Variants in OR6C1 observed in about 807,000 individuals in gnomAD.
OR6C1 encodes the protein olfactory receptor 6C1.
For synonymous variants in OR6C1, 157 were observed against 133.3 expected (o/e 1.18, Z -1.22); for missense variants, 386 against 366.1 (o/e 1.05, Z -0.44).
In OR6C1 at chr12:55,321,577, C is replaced by G. The variant is rs766038294; in HGVS notation, c.*39C>G. 1.4e-6 allele frequency: 2 copies of G among 1,398,702 alleles called. No homozygotes were observed. The highest frequency in any genetic ancestry group is 2.8e-5 in the South Asian group (2 of 72,556). 86.6% of individuals were successfully genotyped at this position (1,398,702 alleles called of 1,614,324 possible). ...GATGAATTAGAGGCACAGGAAAGGACAATATGAATTTTCAGTAGCTTCTTC... is the reference window on the plus strand; with the variant it reads ...GATGAATTAGAGGCACAGGAAAGGAGAATATGAATTTTCAGTAGCTTCTTC... On this transcript the variant is annotated 3_prime_UTR_variant, in exon 2 of 2. Transcript: ENST00000642104.
Position 55,320,976 on chromosome 12 carries a change from A to C in OR6C1, c.377A>C (p.Lys126Thr), listed in dbSNP as rs1220050309. The C allele has an allele frequency of 6.2e-7, 1 of 1,614,036 alleles. No individual in the cohort carries two copies. The highest frequency in any genetic ancestry group is 2.2e-5 in the East Asian group (1 of 44,868). ...TATGACCGCTATGTGGCCATCTGCA[A>C]GCCTCTGCATTGCTTGAGTATCATG... Reference protein sequence around the residue: ...MSYDRYVAICKPLHCLSIMNR... With the variant: ...MSYDRYVAICTPLHCLSIMNR... Residue 126 changes from lysine to threonine, a missense_variant, in exon 2 of 2, where the codon AAG (lysine) becomes ACG (threonine). By Grantham distance (78) the Lys-to-Thr change is moderately conservative. Transcript: ENST00000642104.
chr12:55,316,919 A>G (rs1361061409), intron 1 of OR6C1, among the ~76,000 whole-genome samples: 1 of 151,796 alleles, frequency 6.6e-6, no homozygotes, highest in Non-Finnish European at 1.5e-5. Context: ...CTTCCCTCAC[A>G]GCTTTTCCTA....
At chr12:55,320,427 G>T (rs1289179132) in intron 1 of OR6C1, 140 bp from the exon 2 acceptor site, 2 of 570,020 alleles carry the variant, frequency 3.5e-6, no homozygotes, top group Non-Finnish European at 6.2e-6. Flanking sequence ...GAAATTAAAG[G>T]ACCACTGTTA....
rs1004985653 is a variant in OR6C1 at position 55,321,654 on chromosome 12, G to A, written c.*116G>A. 2.1e-5 allele frequency: 12 copies of A among 584,332 alleles called. No individual in the cohort carries two copies. Among genetic ancestry groups the A allele is most frequent in the Non-Finnish European group, 3.1e-5 (11 of 354,786 alleles). The allele number at this position is 584,332 out of a possible 1,614,324, so 36.2% of individuals were successfully genotyped here. Reference sequence around the variant, plus strand: ...CTGCATCATTTTCTTTTCCCTAAAAGTTTGCAAGCATATTTATTTAATATA... The same window carrying A: ...CTGCATCATTTTCTTTTCCCTAAAAATTTGCAAGCATATTTATTTAATATA... On this transcript the variant is annotated 3_prime_UTR_variant, in exon 2 of 2. Coordinates refer to ENST00000642104, the MANE Select transcript of OR6C1 (RefSeq NM_001005182.2).
chr12:55,321,371 A>G lies in OR6C1; in HGVS notation c.772A>G (p.Ile258Val), dbSNP rs147753105. Residue 258 changes from isoleucine to valine, a missense_variant, in exon 2 of 2, where the codon ATT (isoleucine) becomes GTT (valine). By Grantham distance (29) the Ile-to-Val change is conservative (BLOSUM62 3). Coordinates refer to ENST00000642104, the MANE Select transcript of OR6C1 (RefSeq NM_001005182.2). ...TTATGGCAGCTGCATTTTTATGTAC[A>G]TTAAACCCTCAGCAAAAGATAGAGT... The part of the protein sequence containing the change: ...ISYGSCIFMY[I>V]KPSAKDRVSL... 5.6e-6 allele frequency: 9 copies of G among 1,613,838 alleles called. No homozygotes were observed. Among genetic ancestry groups the G allele is most frequent in the Admixed American group, 3.3e-5 (2 of 59,978 alleles).
intron 1 of OR6C1, among the ~76,000 whole-genome samples, chr12:55,315,412 C>G (rs1001790008): frequency 1.3e-5 from 2 of 151,718 alleles, no homozygotes; most frequent in South Asian, 4.1e-4. Flanking sequence ...TTATAAATGG[C>G]TAGTTAATGA....
chr12:55,316,600 C>T (rs1868414395), intron 1 of OR6C1, among the ~76,000 whole-genome samples: 1 of 151,842 alleles, frequency 6.6e-6, no homozygotes, highest in South Asian at 2.1e-4. Context: ...ATGAATACGT[C>T]CTGAGATCTT....
Position 55,320,729 on chromosome 12 carries a change from A to G in OR6C1, c.130A>G (p.Ile44Val), listed in dbSNP as rs1352604513. Reference sequence around the variant, plus strand: ...CAGCATCACTGGGAACCTGACCCTTATCACAATTACCCTGCTGGATTCCCA... The same window carrying G: ...CAGCATCACTGGGAACCTGACCCTTGTCACAATTACCCTGCTGGATTCCCA... ...MLSITGNLTL[I>V]TITLLDSHLQ... The change falls in exon 2 of 2, where the codon ATC (isoleucine) becomes GTC (valine). Residue 44 changes from isoleucine to valine, a missense_variant. Ile to Val is a conservative substitution (Grantham distance 29). Coordinates refer to ENST00000642104, the MANE Select transcript of OR6C1 (RefSeq NM_001005182.2). The G allele has an allele frequency of 1.9e-6, 3 of 1,613,922 alleles. No individual in the cohort carries two copies. Among genetic ancestry groups the G allele is most frequent in the Non-Finnish European group, 2.5e-6 (3 of 1,179,960 alleles).
chr12:55,320,505 C>G, intron 1 of OR6C1, 62 bp from the exon 2 acceptor site: 1 of 745,084 alleles, frequency 1.3e-6, no homozygotes, highest in Non-Finnish European at 2.2e-6. Context: ...ACTCCAGCTC[C>G]GTACTTGGAT....
At chr12:55,318,221 AGT>A (rs71070867) in intron 1 of OR6C1, among the ~76,000 whole-genome samples, 35,372 of 128,346 alleles carry the variant, frequency 0.28, 4,661 homozygotes, top group East Asian at 0.46. Flanking sequence ...AGATAAGTGG[AGT>A]GTGTGTGTGT....
intron 1 of OR6C1, among the ~76,000 whole-genome samples, chr12:55,316,096 T>C (rs1042089697): frequency 2.8e-5 from 4 of 140,908 alleles, no homozygotes; most frequent in East Asian, 2.0e-4. Flanking sequence ...AAAAAGTACA[T>C]ACACACACAC....
chr12:55,316,886 A>C (rs901868033), intron 1 of OR6C1, among the ~76,000 whole-genome samples: 1 of 151,680 alleles, frequency 6.6e-6, no homozygotes, highest in African/African-American at 2.4e-5. Context: ...TCTCTCATGA[A>C]CCCTTCAAAT....
intron 1 of OR6C1, among the ~76,000 whole-genome samples, chr12:55,319,422 A>G (rs1379661365): frequency 1.3e-5 from 2 of 152,242 alleles, no homozygotes; most frequent in Admixed American, 6.5e-5. Context: ...ACTTCAATTC[A>G]AGGAATACAC....
In OR6C1 at chr12:55,320,665, G is replaced by T; in HGVS notation, c.66G>T (p.Gln22His). 1 of 1,613,782 alleles carries T rather than the reference G, an allele frequency of 6.2e-7. No individual in the cohort carries two copies. Among genetic ancestry groups the T allele is most frequent in the Non-Finnish European group, 8.5e-7 (1 of 1,179,794 alleles). The stretch of plus-strand genomic sequence containing the variant: ...GATTAACAGATGACCCAAATTTTCA[G>T]GTTGTAATCTTTGTCTTCCTGCTCA... ...LLGLTDDPNF[Q>H]VVIFVFLLIT... Residue 22 changes from glutamine (Q) to histidine (H), a missense_variant, in exon 2 of 2, where the codon CAG becomes CAT. Gln to His is a conservative substitution (Grantham distance 24). Coordinates refer to ENST00000642104, the MANE Select transcript of OR6C1 (RefSeq NM_001005182.2).
intron 1 of OR6C1, among the ~76,000 whole-genome samples, chr12:55,318,025 A>T (rs1868442201): frequency 6.9e-6 from 1 of 145,826 alleles, no homozygotes; most frequent in South Asian, 2.2e-4. Context: ...ACACACACAT[A>T]TATACACACA....
At position 55,322,095 on chromosome 12, in the gene OR6C1, T is replaced by C. The variant is rs1868577360; in HGVS notation, c.*557T>C. The C allele has an allele frequency of 1.3e-5, 2 of 152,220 alleles. No individual in the cohort carries two copies. Among genetic ancestry groups the C allele is most frequent in the Middle Eastern group, 3.4e-3 (1 of 290 alleles). The allele number at this position is 152,220 out of a possible 1,614,324, so 9.4% of individuals were successfully genotyped here. A position where few individuals can be genotyped will look rare whatever the true frequency, so the allele number is the denominator to read the frequency against. On this transcript the variant is annotated 3_prime_UTR_variant, in exon 2 of 2. Transcript: ENST00000642104. ...AGGAGCCTAGACCATTATCAATATATACTTTTTTGTTATAAGTGCTAAGTA... is the reference window on the plus strand; with the variant it reads ...AGGAGCCTAGACCATTATCAATATACACTTTTTTGTTATAAGTGCTAAGTA...
chr12:55,317,631 A>T (rs991741962), intron 1 of OR6C1, among the ~76,000 whole-genome samples: 4 of 151,912 alleles, frequency 2.6e-5, no homozygotes, highest in Non-Finnish European at 4.4e-5. Flanking sequence ...AATTAACTAG[A>T]TGAGTGTTTC....
In OR6C1 at chr12:55,321,737, C is replaced by T. The variant is rs949270185; in HGVS notation, c.*199C>T. The T allele has an allele frequency of 9.9e-6, 4 of 404,544 alleles. No individual in the cohort carries two copies. The highest frequency in any genetic ancestry group is 4.0e-5 in the Admixed American group (1 of 25,188). 25.1% of individuals were successfully genotyped at this position (404,544 alleles called of 1,614,324 possible). On this transcript the variant is annotated 3_prime_UTR_variant, in exon 2 of 2. Coordinates refer to ENST00000642104, the MANE Select transcript of OR6C1 (RefSeq NM_001005182.2). ...TCTTCCTGACACCCCCTCCTTTGAA[C>T]AATTTTTTGTAAAATTACAAGCTCT...
chr12:55,314,344 A>C lies in OR6C1; in HGVS notation c.-289A>C, dbSNP rs1288706743. ...TATCTATGTAGAAACCATGCCAGAC[A>C]GTTCTAAAACACTTTCAGATACTTT... On this transcript the variant is annotated 5_prime_UTR_variant, in exon 1 of 2. Transcript: ENST00000642104. 6.6e-6 allele frequency: 1 copy of C among 151,342 alleles called. No homozygotes were observed. Among genetic ancestry groups the C allele is most frequent in the Non-Finnish European group, 1.5e-5 (1 of 67,598 alleles). The allele number at this position is 151,342 out of a possible 1,614,324, so 9.4% of individuals were successfully genotyped here.
Sources: gnomAD v4.1 joint callset for allele counts (sites outside exome capture counted in the v4.1 genomes callset) on GRCh38, gnomAD v4.1.1 for gene constraint, MANE v1.5 for transcripts, NCBI Gene and HGNC (gene_info 2026-07-23, HGNC 2026-07-21) for gene names.